Variants in ZNF385D observed in about 807,000 individuals in gnomAD.
ZNF385D encodes the protein zinc finger protein 659.
In ZNF385D, 15 loss-of-function variants were observed where a neutral mutation model predicts 35.8. That is an observed-to-expected ratio of 0.42 (90% confidence interval 0.28 to 0.64). The LOEUF (loss-of-function observed/expected upper bound fraction) is 0.64. ZNF385D is among the 30% of genes least tolerant of loss of function. The probability of loss-of-function intolerance (pLI) is 0.23; values close to 1 mark genes in which losing one functional copy is unlikely to be tolerated. For missense variants in ZNF385D, 474 were observed against 494.6 expected (o/e 0.96, Z 0.39); for synonymous variants, 212 against 186.8 (o/e 1.13, Z -1.10).
chr3:21,882,799 G>A (rs1010536840), intron 3 of ZNF385D, among the ~76,000 whole-genome samples: 1 of 151,992 alleles, frequency 6.6e-6, no homozygotes, highest in African/African-American at 2.4e-5. Flanking sequence ...GTTTTGATTA[G>A]CTAATTATGT....
chr3:21,547,262 C>T (rs1020324695), intron 3 of ZNF385D, among the ~76,000 whole-genome samples: 14 of 152,152 alleles, frequency 9.2e-5, no homozygotes, highest in Non-Finnish European at 1.8e-4. Context: ...CCCAGAAGCC[C>T]AACCTGCCAG....
At chr3:21,806,067 A>C (rs555987535) in intron 3 of ZNF385D, among the ~76,000 whole-genome samples, 148 of 152,164 alleles carry the variant, frequency 9.7e-4, no homozygotes, top group Non-Finnish European at 1.8e-3. Flanking sequence ...ATTCATATGC[A>C]TGTTAGCTAA....
chr3:21,939,690 G>A (rs1701424107), intron 3 of ZNF385D, among the ~76,000 whole-genome samples: 1 of 152,156 alleles, frequency 6.6e-6, no homozygotes, highest in African/African-American at 2.4e-5. Flanking sequence ...AAAACAATTT[G>A]TGATGAGTTC....
At chr3:22,082,161 T>G (rs1700785419) in intron 3 of ZNF385D, among the ~76,000 whole-genome samples, 1 of 152,094 alleles carries the variant, frequency 6.6e-6, no homozygotes, top group Non-Finnish European at 1.5e-5. Context: ...GATTTCTGCA[T>G]TTCCAATTGA....
At chr3:21,813,029 G>C (rs543894708) in intron 3 of ZNF385D, among the ~76,000 whole-genome samples, 5 of 152,306 alleles carry the variant, frequency 3.3e-5, no homozygotes, top group African/African-American at 9.6e-5. Context: ...AACATTTGCT[G>C]TTCTGCAATA....
chr3:21,626,445 G>A (rs2065137254), intron 2 of ZNF385D, among the ~76,000 whole-genome samples: 1 of 152,076 alleles, frequency 6.6e-6, no homozygotes, highest in Non-Finnish European at 1.5e-5. Flanking sequence ...TGTAGAGGAT[G>A]GAATGTCATC....
At chr3:21,989,543 C>A (rs1237593932) in intron 3 of ZNF385D, among the ~76,000 whole-genome samples, 1 of 152,074 alleles carries the variant, frequency 6.6e-6, no homozygotes, top group Non-Finnish European at 1.5e-5. Context: ...GGACTTGGAA[C>A]AAATATTTGA....
chr3:21,704,933 A>C (rs889225836), intron 1 of ZNF385D, among the ~76,000 whole-genome samples: 1 of 152,172 alleles, frequency 6.6e-6, no homozygotes, highest in Non-Finnish European at 1.5e-5. Context: ...GCTATGTCAT[A>C]TATTTCCAAG....
intron 2 of ZNF385D, among the ~76,000 whole-genome samples, chr3:22,349,414 G>A (rs576455922): frequency 1.3e-5 from 2 of 152,160 alleles, no homozygotes; most frequent in Admixed American, 6.5e-5. Context: ...TAGTTGTTTT[G>A]AGTTCTAGTG....
At chr3:21,502,792 T>G (rs902985417) in intron 4 of ZNF385D, among the ~76,000 whole-genome samples, 1 of 152,148 alleles carries the variant, frequency 6.6e-6, no homozygotes, top group Non-Finnish European at 1.5e-5. Flanking sequence ...AGGGAACACT[T>G]GATAAAATCT....
At chr3:21,922,590 G>A (rs1028715983) in intron 3 of ZNF385D, among the ~76,000 whole-genome samples, 3 of 152,142 alleles carry the variant, frequency 2.0e-5, no homozygotes, top group Admixed American at 2.0e-4. Context: ...GTCATAGGCA[G>A]AAGAATAAAA....
At chr3:21,807,666 G>T (rs1056809247) in intron 3 of ZNF385D, among the ~76,000 whole-genome samples, 2 of 152,016 alleles carry the variant, frequency 1.3e-5, no homozygotes, top group Non-Finnish European at 2.9e-5. Context: ...ATAATAAAAT[G>T]GAATTATGGT....
chr3:22,049,260 C>T (rs112864184), intron 3 of ZNF385D, among the ~76,000 whole-genome samples: 1,368 of 132,130 alleles, frequency 0.01, 31 homozygotes, highest in African/African-American at 0.033. Flanking sequence ...TGTGCCACTG[C>T]ACTCCAGCCT....
At chr3:21,686,817 T>G (rs942825919) in intron 1 of ZNF385D, among the ~76,000 whole-genome samples, 1 of 152,224 alleles carries the variant, frequency 6.6e-6, no homozygotes, top group African/African-American at 2.4e-5. Context: ...CAAGGTTTAA[T>G]TGTCACAAAA....
At chr3:22,263,524 T>C (rs921832732) in intron 2 of ZNF385D, among the ~76,000 whole-genome samples, 30 of 152,054 alleles carry the variant, frequency 2.0e-4, no homozygotes, top group Non-Finnish European at 1.5e-5. Context: ...GATGCAATAT[T>C]ATACATTTTT....
chr3:21,530,071 G>A (rs890768475), intron 3 of ZNF385D, among the ~76,000 whole-genome samples: 1 of 151,978 alleles, frequency 6.6e-6, no homozygotes, highest in Non-Finnish European at 1.5e-5. Context: ...AGAGCTGGTT[G>A]TTTAAAGGAG....
intron 3 of ZNF385D, among the ~76,000 whole-genome samples, chr3:21,763,235 TGTACTCTGTCTGAGTAACAG>T (rs1466983587): frequency 6.6e-6 from 1 of 152,174 alleles, no homozygotes; most frequent in African/African-American, 2.4e-5. Flanking sequence ...CCCTGGTCTG[TGTACTCTGTCTGAGTAACAG>T]TGATGGCTCC....
At chr3:21,697,106 G>A (rs1208759099) in intron 1 of ZNF385D, among the ~76,000 whole-genome samples, 2 of 152,144 alleles carry the variant, frequency 1.3e-5, no homozygotes, top group African/African-American at 4.8e-5. Context: ...AACTGGCTGT[G>A]TGACTTAGGG....
intron 3 of ZNF385D, among the ~76,000 whole-genome samples, chr3:22,141,266 A>G (rs80276118): frequency 0.019 from 2,939 of 151,136 alleles, 104 homozygotes; most frequent in African/African-American, 0.068. Context: ...TCCCAATGCA[A>G]TATTTCATTA....
Sources: gnomAD v4.1 joint callset for allele counts (sites outside exome capture counted in the v4.1 genomes callset) on GRCh38, gnomAD v4.1.1 for gene constraint, MANE v1.5 for transcripts, NCBI Gene and HGNC (gene_info 2026-07-23, HGNC 2026-07-21) for gene names.